Variants in SGPP2 observed in about 807,000 individuals in gnomAD.
SGPP2 encodes the protein sphingosine-1-phosphate phosphatase 2.
A neutral mutation model predicts 33.9 loss-of-function variants in SGPP2; 30 were observed. The observed-to-expected ratio is 0.89, with a 90% CI of 0.66 to 1.20. The LOEUF is 1.20. Ranked by LOEUF, SGPP2 falls within the 50% of genes most tolerant of loss-of-function variation. SGPP2 has a pLI of 0.00. For missense variants in SGPP2, 458 were observed against 532.1 expected (o/e 0.86, Z 1.37); for synonymous variants, 233 against 225.0 (o/e 1.04, Z -0.32).
At chr2:222,493,766 C>A (rs149001510) in intron 2 of SGPP2, among the ~76,000 whole-genome samples, 86 of 152,308 alleles carry the variant, frequency 5.6e-4, no homozygotes, top group African/African-American at 1.9e-3. Context: ...CTTTTTACTT[C>A]ATCGTACTGT....
At chr2:222,450,485 C>T (rs1396082760) in intron 1 of SGPP2, among the ~76,000 whole-genome samples, 2 of 152,184 alleles carry the variant, frequency 1.3e-5, no homozygotes, top group Non-Finnish European at 2.9e-5. Flanking sequence ...TTGCAGAAAT[C>T]AACTGGACAT....
At chr2:222,527,525 T>C (rs1425727426) in intron 4 of SGPP2, among the ~76,000 whole-genome samples, 1 of 152,200 alleles carries the variant, frequency 6.6e-6, no homozygotes, top group Non-Finnish European at 1.5e-5. Flanking sequence ...TATGCAGCTA[T>C]GGTTGAGAGC....
intron 1 of SGPP2, among the ~76,000 whole-genome samples, chr2:222,438,627 A>C (rs1697280201): frequency 6.6e-6 from 1 of 152,186 alleles, no homozygotes; most frequent in East Asian, 1.9e-4. Flanking sequence ...AAGCAATGAA[A>C]CCATGTCTGG....
intron 2 of SGPP2, among the ~76,000 whole-genome samples, chr2:222,489,562 A>C (rs925484416): frequency 1.9e-4 from 28 of 149,792 alleles, no homozygotes; most frequent in African/African-American, 5.8e-4. Context: ...TGTATGTTAG[A>C]GACTGAGCTT....
chr2:222,516,387 A>T (rs1698603359), intron 2 of SGPP2, among the ~76,000 whole-genome samples: 1 of 152,176 alleles, frequency 6.6e-6, no homozygotes, highest in East Asian at 1.9e-4. Flanking sequence ...AGTAGTATTC[A>T]GTTGTGTGAT....
At chr2:222,461,249 T>C (rs1188000181) in intron 1 of SGPP2, among the ~76,000 whole-genome samples, 1 of 152,152 alleles carries the variant, frequency 6.6e-6, no homozygotes, top group East Asian at 1.9e-4. Context: ...CCAAATGCCT[T>C]AGTAAAGAAG....
At chr2:222,516,487 C>G (rs1439126327) in intron 2 of SGPP2, among the ~76,000 whole-genome samples, 1 of 152,158 alleles carries the variant, frequency 6.6e-6, no homozygotes, top group Non-Finnish European at 1.5e-5. Flanking sequence ...TATGAACATT[C>G]ATATATGAGT....
intron 4 of SGPP2, among the ~76,000 whole-genome samples, chr2:222,547,946 A>T (rs1215415516): frequency 6.6e-6 from 1 of 152,212 alleles, no homozygotes; most frequent in East Asian, 1.9e-4. Flanking sequence ...TAATGAAGGA[A>T]CTAGTAAGTA....
At chr2:222,554,395 C>T (rs1055418288) in intron 4 of SGPP2, among the ~76,000 whole-genome samples, 4 of 152,178 alleles carry the variant, frequency 2.6e-5, no homozygotes, top group African/African-American at 9.7e-5. Context: ...ATAGGTGGAA[C>T]TTGGGTTATT....
chr2:222,494,520 G>A (rs1337006805), intron 2 of SGPP2, among the ~76,000 whole-genome samples: 24 of 152,318 alleles, frequency 1.6e-4, no homozygotes, highest in African/African-American at 4.8e-5. Context: ...GCCAGCCCAC[G>A]GCTGCCCAAC....
intron 4 of SGPP2, among the ~76,000 whole-genome samples, chr2:222,549,500 A>G (rs1053715299): frequency 1.3e-5 from 2 of 152,230 alleles, no homozygotes; most frequent in African/African-American, 2.4e-5. Flanking sequence ...ATGTGTTTAT[A>G]TAAGCATTTA....
chr2:222,525,425 G>A (rs944215685), intron 4 of SGPP2, among the ~76,000 whole-genome samples: 3 of 152,134 alleles, frequency 2.0e-5, no homozygotes, highest in Non-Finnish European at 4.4e-5. Context: ...TGAAATCAGG[G>A]GTCTCCAGTG....
chr2:222,490,733 C>T (rs1469574391), intron 2 of SGPP2, among the ~76,000 whole-genome samples: 1 of 151,890 alleles, frequency 6.6e-6, no homozygotes, highest in Non-Finnish European at 1.5e-5. Flanking sequence ...GCATGAGCCA[C>T]TTTACCCAGC....
chr2:222,512,930 A>G (rs1436483966), intron 2 of SGPP2, among the ~76,000 whole-genome samples: 1 of 152,248 alleles, frequency 6.6e-6, no homozygotes, highest in Non-Finnish European at 1.5e-5. Flanking sequence ...TAAAGCTGCT[A>G]TAAGCATCCT....
At chr2:222,428,249 G>T (rs1468460694) in intron 1 of SGPP2, among the ~76,000 whole-genome samples, 1 of 152,144 alleles carries the variant, frequency 6.6e-6, no homozygotes, top group Non-Finnish European at 1.5e-5. Flanking sequence ...AGCCATTTTT[G>T]GTTATTGCTT....
At chr2:222,551,255 A>G (rs1689289998) in intron 4 of SGPP2, among the ~76,000 whole-genome samples, 1 of 152,142 alleles carries the variant, frequency 6.6e-6, no homozygotes, top group East Asian at 1.9e-4. Flanking sequence ...TCTGCCCTAT[A>G]GCTTGTCCTT....
In SGPP2 at chr2:222,525,043, T is replaced by G. The variant is rs1352913386; in HGVS notation, c.648+10T>G. ...GATGCATACGGTCCTGGTAAGGCTT[T>G]GTGGTCAGGTCTTGTGGTGATTGTT... On this transcript the variant is annotated intron_variant, in intron 4 of 4. Coordinates refer to ENST00000321276, the MANE Select transcript of SGPP2 (RefSeq NM_152386.4). 6.2e-7 allele frequency: 1 copy of G among 1,609,702 alleles called. No individual in the cohort carries two copies. The highest frequency in any genetic ancestry group is 8.5e-7 in the Non-Finnish European group (1 of 1,176,404).
chr2:222,535,019 C>A (rs1698892275), intron 4 of SGPP2, among the ~76,000 whole-genome samples: 1 of 152,182 alleles, frequency 6.6e-6, no homozygotes, highest in Non-Finnish European at 1.5e-5. Flanking sequence ...TAACAACAAA[C>A]ACAGGCAAAT....
At chr2:222,450,473 C>A (rs1190381504) in intron 1 of SGPP2, among the ~76,000 whole-genome samples, 4 of 152,168 alleles carry the variant, frequency 2.6e-5, no homozygotes, top group Non-Finnish European at 5.9e-5. Context: ...CTATGGATAT[C>A]ATTGCAGAAA....
Sources: allele counts gnomAD v4.1 joint callset (sites outside exome capture counted in the v4.1 genomes callset), GRCh38; gene constraint gnomAD v4.1.1; transcripts MANE v1.5; gene names NCBI Gene and HGNC (gene_info 2026-07-23, HGNC 2026-07-21).